The following HS6ST3 variants were observed in gnomAD, a reference collection of about 807,000 sequenced individuals.
HS6ST3 encodes heparan sulfate 6-O-sulfotransferase 3, also known as heparan-sulfate 6-O-sulfotransferase 3.
A neutral mutation model predicts 36.7 loss-of-function variants in HS6ST3; 12 were observed. The observed-to-expected ratio is 0.33, with a 90% CI of 0.21 to 0.53. The LOEUF is 0.53. HS6ST3 is among the 20% of genes least tolerant of loss of function. The pLI is 0.95. For missense variants in HS6ST3, 584 were observed against 640.9 expected, an observed-to-expected ratio of 0.91 and a Z score of 0.96; for synonymous variants, 240 against 257.5, an observed-to-expected ratio of 0.93 and a Z score of 0.65.
chr13:96,636,126 C>G (rs1319084714), intron 1 of HS6ST3, among the ~76,000 whole-genome samples: 1 of 152,132 alleles, frequency 6.6e-6, no homozygotes, highest in East Asian at 1.9e-4. Flanking sequence ...TTTCTTTCAT[C>G]TGGCTTCTGC....
intron 1 of HS6ST3, among the ~76,000 whole-genome samples, chr13:96,701,226 G>A (rs945527496): frequency 2.0e-5 from 3 of 152,186 alleles, no homozygotes; most frequent in Admixed American, 1.3e-4. Flanking sequence ...CTGGTGCAGT[G>A]TATGATTAAA....
chr13:96,194,449 TA>T (rs1429021296), intron 1 of HS6ST3, among the ~76,000 whole-genome samples: 8 of 152,048 alleles, frequency 5.3e-5, no homozygotes, highest in Non-Finnish European at 1.0e-4. Flanking sequence ...TTTTTTTAAT[TA>T]AAAAAATTAT....
At chr13:96,516,098 G>A in intron 1 of HS6ST3, among the ~76,000 whole-genome samples, 1 of 146,820 alleles carries the variant, frequency 6.8e-6, no homozygotes. Context: ...GTCTTGGTTT[G>A]TCAGCCAGGC....
intron 1 of HS6ST3, among the ~76,000 whole-genome samples, chr13:96,292,548 C>T (rs910582948): frequency 6.6e-6 from 1 of 152,026 alleles, no homozygotes. Context: ...TTTTCAAATT[C>T]TTAATTTTAG....
intron 1 of HS6ST3, among the ~76,000 whole-genome samples, chr13:96,204,233 AC>A (rs1296314680): frequency 6.6e-6 from 1 of 152,216 alleles, no homozygotes; most frequent in Non-Finnish European, 1.5e-5. Context: ...CTTTAAACCA[AC>A]AAAAATCAAA....
At chr13:96,110,605 T>A (rs1031213746) in intron 1 of HS6ST3, among the ~76,000 whole-genome samples, 2 of 151,922 alleles carry the variant, frequency 1.3e-5, no homozygotes, top group African/African-American at 4.8e-5. Flanking sequence ...CCCGGCTAAT[T>A]TTTTGTATTT....
intron 1 of HS6ST3, among the ~76,000 whole-genome samples, chr13:96,690,135 C>G (rs1047988398): frequency 6.6e-6 from 1 of 151,984 alleles, no homozygotes; most frequent in African/African-American, 2.4e-5. Flanking sequence ...CCATCCCATT[C>G]CTACAACATT....
At chr13:96,214,052 C>T (rs1287755501) in intron 1 of HS6ST3, among the ~76,000 whole-genome samples, 1 of 152,128 alleles carries the variant, frequency 6.6e-6, no homozygotes, top group Non-Finnish European at 1.5e-5. Flanking sequence ...GTCTCATAAC[C>T]AGGAAGGAGT....
chr13:96,206,341 T>G (rs1380347333), intron 1 of HS6ST3, among the ~76,000 whole-genome samples: 1 of 152,114 alleles, frequency 6.6e-6, no homozygotes, highest in Middle Eastern at 3.2e-3. Context: ...ATTTCATGCT[T>G]ATGTATAAGA....
chr13:96,594,152 A>G (rs1327891943), intron 1 of HS6ST3, among the ~76,000 whole-genome samples: 2 of 152,128 alleles, frequency 1.3e-5, no homozygotes, highest in African/African-American at 2.4e-5. Context: ...TTGTATTTTT[A>G]GTAGAGACAG....
chr13:96,590,374 G>A (rs2056377918), intron 1 of HS6ST3, among the ~76,000 whole-genome samples: 2 of 152,064 alleles, frequency 1.3e-5, no homozygotes, highest in Non-Finnish European at 2.9e-5. Flanking sequence ...TTGGATGAAA[G>A]CACTTTTAAC....
intron 1 of HS6ST3, among the ~76,000 whole-genome samples, chr13:96,101,819 C>T (rs370192589): frequency 6.6e-6 from 1 of 152,088 alleles, no homozygotes; most frequent in African/African-American, 2.4e-5. Flanking sequence ...GTCATTGTAC[C>T]GCCTTACACG....
At chr13:96,656,955 T>TTGTGTGTGTGTGTGTGTG (rs754838881) in intron 1 of HS6ST3, among the ~76,000 whole-genome samples, 1 of 122,244 alleles carries the variant, frequency 8.2e-6, no homozygotes, top group Non-Finnish European at 1.7e-5. Context: ...GGCTTTTCTT[T>TTGTGTGTGTGTGTGTGTG]TGTGTGTGTG....
chr13:96,157,275 C>T (rs541980589), intron 1 of HS6ST3, among the ~76,000 whole-genome samples: 1 of 152,178 alleles, frequency 6.6e-6, no homozygotes, highest in Non-Finnish European at 1.5e-5. Context: ...AGCTTCTTCT[C>T]CCCATCTTTC....
chr13:96,811,427 A>C (rs992991716), intron 1 of HS6ST3, among the ~76,000 whole-genome samples: 1 of 152,200 alleles, frequency 6.6e-6, no homozygotes, highest in Non-Finnish European at 1.5e-5. Flanking sequence ...TGTTCAATGA[A>C]TGTCTTGAGC....
chr13:96,695,114 C>G (rs371977584), intron 1 of HS6ST3, among the ~76,000 whole-genome samples: 10 of 152,218 alleles, frequency 6.6e-5, no homozygotes, highest in Middle Eastern at 3.4e-3. Context: ...TAATGTCCTT[C>G]CTTATGTTGG....
At chr13:96,424,141 A>C (rs564684402) in intron 1 of HS6ST3, among the ~76,000 whole-genome samples, 1 of 152,320 alleles carries the variant, frequency 6.6e-6, no homozygotes, top group South Asian at 2.1e-4. Flanking sequence ...ATTAGAGATA[A>C]GTTTTTTTTG....
chr13:96,472,657 T>C (rs990037186), intron 1 of HS6ST3, among the ~76,000 whole-genome samples: 1 of 152,170 alleles, frequency 6.6e-6, no homozygotes, highest in Non-Finnish European at 1.5e-5. Context: ...CCTCAAAGGC[T>C]ATAGCAATAC....
At chr13:96,723,930 C>T (rs752856516) in intron 1 of HS6ST3, among the ~76,000 whole-genome samples, 87 of 152,056 alleles carry the variant, frequency 5.7e-4, no homozygotes, top group Non-Finnish European at 6.9e-4. Context: ...ACCAAGCTTC[C>T]TTTTAGCTTC....
Sources: allele counts gnomAD v4.1 joint callset (sites outside exome capture counted in the v4.1 genomes callset), GRCh38; gene constraint gnomAD v4.1.1; transcripts MANE v1.5; gene names NCBI Gene and HGNC (gene_info 2026-07-23, HGNC 2026-07-21).